Variants in BCL7A observed in about 807,000 individuals in gnomAD.
BCL7A encodes B-cell CLL/lymphoma 7 protein family member A.
A neutral mutation model predicts 28.4 loss-of-function variants in BCL7A; 11 were observed. The ratio of observed to expected loss-of-function variants is 0.39; its 90% CI spans 0.24 to 0.64. BCL7A has a LOEUF of 0.64. Among genes scored for constraint, BCL7A ranks in the 30% least tolerant of loss-of-function variants. BCL7A has a pLI of 0.50. For missense variants in BCL7A, 222 were observed against 274.8 expected (o/e 0.81, Z 1.36); for synonymous variants, 123 against 103.3 (o/e 1.19, Z -1.15).
In BCL7A at chr12:122,060,314, C is replaced by G. The variant is rs1050584668; in HGVS notation, c.*1151C>G. On this transcript the variant is annotated 3_prime_UTR_variant, in exon 6 of 6. Coordinates refer to ENST00000261822, the MANE Select transcript of BCL7A (RefSeq NM_001024808.3). ...GCCAACAGCTGGACCGTGTCTCATCCCCAGAACATGCCGTCTGTCCCCACC... is the reference window on the plus strand; with the variant it reads ...GCCAACAGCTGGACCGTGTCTCATCGCCAGAACATGCCGTCTGTCCCCACC... 5.6e-5 allele frequency: 13 copies of G among 232,788 alleles called. No homozygotes were observed. The highest frequency in any genetic ancestry group is 1.1e-4 in the Non-Finnish European group (13 of 117,602). 14.4% of individuals were successfully genotyped at this position (232,788 alleles called of 1,614,324 possible).
intron 2 of BCL7A, among the ~76,000 whole-genome samples, chr12:122,035,056 A>G (rs1427988864): frequency 6.6e-6 from 1 of 152,220 alleles, no homozygotes; most frequent in Non-Finnish European, 1.5e-5. Flanking sequence ...TGACAGCCCC[A>G]GAAACAGGCA....
At chr12:122,024,923 C>G (rs1360583967) in intron 1 of BCL7A, among the ~76,000 whole-genome samples, 2 of 151,960 alleles carry the variant, frequency 1.3e-5, no homozygotes, top group Admixed American at 6.6e-5. Context: ...CTAGTGACCC[C>G]TAAAATTACC....
At chr12:122,037,060 C>T (rs972743275) in intron 3 of BCL7A, among the ~76,000 whole-genome samples, 2 of 152,166 alleles carry the variant, frequency 1.3e-5, no homozygotes, top group African/African-American at 4.8e-5. Flanking sequence ...AGGAAATCTC[C>T]GTCCTGCCAT....
rs1223960579 is a variant in BCL7A, at chr12:122,022,052, G to C, written c.-40G>C. ...CCGCCGCGGAGCGCGAGCAGGACCC[G>C]GCGGGCGCGCTCCCCAGCCTCCGTC... On this transcript the variant is annotated 5_prime_UTR_variant, in exon 1 of 6. Transcript: ENST00000261822. 8 of 1,511,146 alleles carry C rather than the reference G, an allele frequency of 5.3e-6. No homozygotes were observed. The highest frequency in any genetic ancestry group is 7.1e-6 in the Non-Finnish European group (8 of 1,122,322). 93.6% of individuals were successfully genotyped at this position (1,511,146 alleles called of 1,614,324 possible). A position where few individuals can be genotyped will look rare whatever the true frequency, so the allele number is the denominator to read the frequency against.
At chr12:122,053,707 C>A (rs1884247014) in intron 4 of BCL7A, among the ~76,000 whole-genome samples, 1 of 150,234 alleles carries the variant, frequency 6.7e-6, no homozygotes, top group Admixed American at 6.7e-5. Context: ...CCCATCCAGC[C>A]TGCACCTTCC....
chr12:122,059,162 A>G lies in BCL7A; in HGVS notation c.632A>G (p.Ter211TrpextTer4). 6.2e-7 allele frequency: 1 copy of G among 1,610,210 alleles called. No homozygotes were observed. Among genetic ancestry groups the G allele is most frequent in the African/African-American group, 1.3e-5 (1 of 74,988 alleles). Reference protein sequence around the residue: ...EASQQNSEEM* With the variant: ...EASQQNSEEMW ...TCTCAACAAAACTCCGAAGAGATGT[A>G]GACGATGCTTTAAAGCCTCCGATCC... Residue 211 changes from the stop codon to tryptophan, a stop_lost, in exon 6 of 6, where the codon TAG becomes TGG. Transcript: ENST00000261822. The surrounding 1 kb of genome is among the most constrained non-coding windows in gnomAD (Gnocchi z 4.0).
chr12:122,052,812 A>T (rs1884217757), intron 4 of BCL7A, among the ~76,000 whole-genome samples: 1 of 134,802 alleles, frequency 7.4e-6, no homozygotes, highest in Admixed American at 8.6e-5. Context: ...CCTCCCAAGT[A>T]GCTGGGATTA....
At position 122,061,713 on chromosome 12, in the gene BCL7A, C is replaced by T. The variant is rs758996441; in HGVS notation, c.*2550C>T. 4.3e-6 allele frequency: 1 copy of T among 231,088 alleles called. No homozygotes were observed. 14.3% of individuals were successfully genotyped at this position (231,088 alleles called of 1,614,324 possible). ...AGGGCAAACCTAATTCCCCCCAAAA[C>T]GTGAAGTCGGGGAAGCTGCGGCTAC... On this transcript the variant is annotated 3_prime_UTR_variant, in exon 6 of 6. Transcript: ENST00000261822.
At chr12:122,052,906 T>C (rs1220043520) in intron 4 of BCL7A, among the ~76,000 whole-genome samples, 1 of 141,902 alleles carries the variant, frequency 7.0e-6, no homozygotes, top group Non-Finnish European at 1.5e-5. Flanking sequence ...GCCAGGCTGG[T>C]CTCAAACTCC....
chr12:122,030,827 C>T (rs779671964), intron 2 of BCL7A, 46 bp downstream of exon 2: 2 of 1,562,434 alleles, frequency 1.3e-6, no homozygotes, highest in Admixed American at 1.7e-5. Context: ...CCCATTCGTG[C>T]TCCTCCCACC....
At chr12:122,053,223 T>G (rs1420982013) in intron 4 of BCL7A, among the ~76,000 whole-genome samples, 1 of 152,234 alleles carries the variant, frequency 6.6e-6, no homozygotes, top group African/African-American at 2.4e-5. Context: ...CTTGAACTCC[T>G]GACTTCAAGT....
At chr12:122,048,742 G>A (rs1377189278) in intron 4 of BCL7A, among the ~76,000 whole-genome samples, 6 of 151,600 alleles carry the variant, frequency 4.0e-5, no homozygotes, top group African/African-American at 7.3e-5. Flanking sequence ...AAATTAGGCC[G>A]GGCACAGTGG....
intron 2 of BCL7A, among the ~76,000 whole-genome samples, chr12:122,031,354 G>GCCC (rs386377999): frequency 9.6e-4 from 146 of 151,360 alleles, no homozygotes; most frequent in Middle Eastern, 6.8e-3. Flanking sequence ...TGGGCCGAGC[G>GCCC]CCCCCCCCAG....
At chr12:122,050,456 G>T (rs868423044) in intron 4 of BCL7A, among the ~76,000 whole-genome samples, 3 of 152,314 alleles carry the variant, frequency 2.0e-5, no homozygotes, top group South Asian at 2.1e-4. Flanking sequence ...CATAGCCTTC[G>T]CTGCGTACAG....
In BCL7A at chr12:122,021,947, T is replaced by TGC; in HGVS notation, c.-144_-143insCG. ...GTGTGTGTATGTGTGTGTGTGTGTG[T>TGC]GTGTGTGTGTGAGTGTGTGCGTGTG... On this transcript the variant is annotated 5_prime_UTR_variant, in exon 1 of 6. The change abolishes the stop of an existing upstream ORF in the 5' untranslated region. Coordinates refer to ENST00000261822, the MANE Select transcript of BCL7A (RefSeq NM_001024808.3). 1.7e-6 allele frequency: 1 copy of TGC among 582,494 alleles called. No homozygotes were observed. The highest frequency in any genetic ancestry group is 1.9e-5 in the South Asian group (1 of 53,414). 36.1% of individuals were successfully genotyped at this position (582,494 alleles called of 1,614,324 possible).
At chr12:122,022,361 G>T (rs1450728559) in intron 1 of BCL7A, among the ~76,000 whole-genome samples, 178 bp downstream of exon 1, 10 of 144,030 alleles carry the variant, frequency 6.9e-5, no homozygotes, top group Admixed American at 4.1e-4. Context: ...GGTCACCTGC[G>T]CCAGGCTGGG....
intron 3 of BCL7A, among the ~76,000 whole-genome samples, chr12:122,036,768 T>C (rs1286315569): frequency 3.3e-5 from 5 of 151,570 alleles, no homozygotes; most frequent in Non-Finnish European, 5.9e-5. Context: ...AGTGCAGTGG[T>C]GCGATCTCAG....
chr12:122,056,968 T>G (rs1408875650), intron 5 of BCL7A, among the ~76,000 whole-genome samples: 4 of 152,190 alleles, frequency 2.6e-5, no homozygotes, highest in South Asian at 2.1e-4. Flanking sequence ...CATTTATCTC[T>G]GAGAACCCAC....
chr12:122,025,220 C>T lies in BCL7A; in HGVS notation c.92+3037C>T, dbSNP rs146334622. On this transcript the variant is annotated intron_variant, in intron 1 of 5. Transcript: ENST00000261822. ...GGGCTGCAGCGTAAGCTTGGAGGCC[C>T]GCTGCGGTGGCTCACGCCTGTAATC... Among the ~76,000 whole-genome samples, 5 of 151,908 alleles carry T rather than the reference C, an allele frequency of 3.3e-5. No individual in the cohort carries two copies. The East Asian group carries it at 5.8e-4, about 18-fold the overall frequency.
Sources: gnomAD v4.1 joint callset for allele counts (sites outside exome capture counted in the v4.1 genomes callset) on GRCh38, gnomAD v4.1.1 for gene constraint, Gnocchi (gnomAD v3.1) non-coding constraint, MANE v1.5 for transcripts, NCBI Gene and HGNC (gene_info 2026-07-23, HGNC 2026-07-21) for gene names.